The following GKAP1 variants were observed in gnomAD, a reference collection of about 807,000 sequenced individuals.
GKAP1 encodes G kinase-anchoring protein 1.
In GKAP1, 31 loss-of-function variants were observed where a neutral mutation model predicts 56.7. The observed-to-expected ratio is 0.55, with a 90% CI of 0.41 to 0.74. The LOEUF (loss-of-function observed/expected upper bound fraction) is 0.74. GKAP1 is among the 30% of genes least tolerant of loss of function. The pLI, the probability that GKAP1 is intolerant of heterozygous loss-of-function variation, is 0.00. For synonymous variants in GKAP1, 151 were observed against 138.6 expected (o/e 1.09, Z -0.63); for missense variants, 364 against 402.3 (o/e 0.90, Z 0.82).
chr9:83,809,428 C>G (rs546392510), intron 2 of GKAP1, among the ~76,000 whole-genome samples: 3 of 152,332 alleles, frequency 2.0e-5, no homozygotes, highest in African/African-American at 7.2e-5. Context: ...AAGGGAAGTG[C>G]TCCAAGTCCT....
intron 2 of GKAP1, among the ~76,000 whole-genome samples, chr9:83,807,222 C>A (rs1218847040): frequency 6.6e-6 from 1 of 152,188 alleles, no homozygotes; most frequent in Non-Finnish European, 1.5e-5. Flanking sequence ...TAGAAGGGAT[C>A]TTAAAAGTCC....
intron 2 of GKAP1, among the ~76,000 whole-genome samples, chr9:83,815,740 A>G (rs1185884497): frequency 1.3e-5 from 2 of 151,132 alleles, no homozygotes; most frequent in African/African-American, 5.0e-5. Context: ...GTGTGGCCTC[A>G]CTGAAATATA....
chr9:83,798,855 T>C (rs1250691606), intron 4 of GKAP1, among the ~76,000 whole-genome samples: 2 of 152,140 alleles, frequency 1.3e-5, no homozygotes, highest in Non-Finnish European at 2.9e-5. Context: ...TAACAAGAGA[T>C]TTCTGCCCTA....
intron 6 of GKAP1, among the ~76,000 whole-genome samples, chr9:83,783,922 GGTTTTA>G (rs1216375263): frequency 2.0e-5 from 3 of 152,254 alleles, no homozygotes; most frequent in Admixed American, 6.5e-5. Flanking sequence ...AACCCCAAAT[GGTTTTA>G]GTTTATTTCC....
rs1026724244 is a variant in GKAP1, at chr9:83,812,326, C to CACACGTATATATAT, written c.-44+4656_-44+4669dup. On this transcript the variant is annotated intron_variant, in intron 2 of 12. Coordinates refer to ENST00000376371, the MANE Select transcript of GKAP1 (RefSeq NM_025211.4). ...ACGTATACATATATATGTATATATA[C>CACACGTATATATAT]ACACGTATATATATACACGTATATA... Among the ~76,000 whole-genome samples the CACACGTATATATAT allele has an allele frequency of 6.8e-5, 10 of 146,384 alleles. No individual in the cohort carries two copies. The East Asian group carries it at 1.2e-3, about 17-fold the overall frequency.
chr9:83,803,565 C>T (rs1449051249), intron 3 of GKAP1, among the ~76,000 whole-genome samples: 2 of 152,238 alleles, frequency 1.3e-5, no homozygotes, highest in Non-Finnish European at 2.9e-5. Context: ...CTCAATGGTG[C>T]CCAGGCTGGA....
chr9:83,806,295 G>C lies in GKAP1; in HGVS notation c.216+7C>G. On this transcript the variant is annotated splice_region_variant and intron_variant, in intron 3 of 12. Transcript: ENST00000376371. ...GGGAAAGCAGACAACACAGATAATTGTGTTACCTCATTTGCTTCACTCTGT... is the reference window on the plus strand; with the variant it reads ...GGGAAAGCAGACAACACAGATAATTCTGTTACCTCATTTGCTTCACTCTGT... 6.6e-7 allele frequency: 1 copy of C among 1,521,194 alleles called. No homozygotes were observed. The highest frequency in any genetic ancestry group is 8.9e-7 in the Non-Finnish European group (1 of 1,122,822). 94.2% of individuals were successfully genotyped at this position (1,521,194 alleles called of 1,614,324 possible). A position where few individuals can be genotyped will look rare whatever the true frequency, so the allele number is the denominator to read the frequency against.
intron 5 of GKAP1, 46 bp from the exon 6 acceptor site, chr9:83,784,884 AAAAT>A: frequency 7.1e-7 from 1 of 1,414,034 alleles, no homozygotes; most frequent in East Asian, 2.4e-5. Context: ...TACAAACTGT[AAAAT>A]AAACTCACCA....
chr9:83,742,676 A>G, intron 10 of GKAP1, 76 bp from the exon 11 acceptor site: 1 of 829,670 alleles, frequency 1.2e-6, no homozygotes, highest in Admixed American at 2.0e-5. Flanking sequence ...GGGAACTAAG[A>G]CATAGCAGTG....
At chr9:83,772,360 T>C (rs1390914626) in intron 7 of GKAP1, among the ~76,000 whole-genome samples, 1 of 152,142 alleles carries the variant, frequency 6.6e-6, no homozygotes, top group African/African-American at 2.4e-5. Flanking sequence ...TATAAGAGTG[T>C]TGTGCTGGGA....
At chr9:83,750,038 T>C (rs1193283011) in intron 9 of GKAP1, among the ~76,000 whole-genome samples, 1 of 152,214 alleles carries the variant, frequency 6.6e-6, no homozygotes, top group Non-Finnish European at 1.5e-5. Flanking sequence ...CCAACCTATG[T>C]TAGTATTTCA....
In GKAP1 at chr9:83,768,451, A is replaced by G. The variant is rs535655844; in HGVS notation, c.738+367T>C. ...TTTTTATTGTTCATATCCCCCTTAA[A>G]GTTTTCATTTGTGCTGAATGATGAT... On this transcript the variant is annotated intron_variant, in intron 8 of 12. Coordinates refer to ENST00000376371, the MANE Select transcript of GKAP1 (RefSeq NM_025211.4). 3.3e-5 allele frequency among the ~76,000 whole-genome samples: 5 copies of G among 152,212 alleles called. No homozygotes were observed. In the South Asian group the frequency reaches 1.0e-3, roughly 32 times the overall value.
intron 2 of GKAP1, among the ~76,000 whole-genome samples, chr9:83,810,717 G>C (rs1252361820): frequency 6.6e-6 from 1 of 152,202 alleles, no homozygotes; most frequent in Non-Finnish European, 1.5e-5. Context: ...TCTCTCTTGA[G>C]TTGTTGTAAA....
chr9:83,807,744 T>C (rs1944458453), intron 2 of GKAP1, among the ~76,000 whole-genome samples: 1 of 152,248 alleles, frequency 6.6e-6, no homozygotes, highest in African/African-American at 2.4e-5. Flanking sequence ...AATATCCCAC[T>C]GGTTACATAT....
chr9:83,809,158 G>C (rs185170731), intron 2 of GKAP1, among the ~76,000 whole-genome samples: 1 of 152,202 alleles, frequency 6.6e-6, no homozygotes, highest in Non-Finnish European at 1.5e-5. Flanking sequence ...TGGATTATTT[G>C]CATGCATTAA....
intron 7 of GKAP1, among the ~76,000 whole-genome samples, chr9:83,778,178 C>T (rs1943894099): frequency 6.6e-6 from 1 of 152,084 alleles, no homozygotes; most frequent in Admixed American, 6.6e-5. Flanking sequence ...ACCATTTGAT[C>T]CAGCAATCCC....
chr9:83,800,264 A>G (rs144052533), intron 3 of GKAP1, among the ~76,000 whole-genome samples: 10 of 150,860 alleles, frequency 6.6e-5, no homozygotes, highest in African/African-American at 2.4e-4. Context: ...ACTGCCTATG[A>G]GTTAGCCCTG....
intron 8 of GKAP1, among the ~76,000 whole-genome samples, chr9:83,765,291 T>C (rs1331843981): frequency 6.6e-6 from 1 of 152,232 alleles, no homozygotes; most frequent in African/African-American, 2.4e-5. Flanking sequence ...TTTGGGAACC[T>C]CTGCCTAGAT....
intron 3 of GKAP1, among the ~76,000 whole-genome samples, chr9:83,804,858 C>T (rs7859214): frequency 1.0e-4 from 15 of 148,060 alleles, no homozygotes; most frequent in African/African-American, 3.5e-4. Context: ...GGGGTCAGCC[C>T]CCCGCCCGGC....
Sources: allele counts gnomAD v4.1 joint callset (sites outside exome capture counted in the v4.1 genomes callset), GRCh38; gene constraint gnomAD v4.1.1; transcripts MANE v1.5; gene names NCBI Gene and HGNC (gene_info 2026-07-23, HGNC 2026-07-21).